Variants in PDZRN3 observed in about 807,000 individuals in gnomAD.
PDZRN3 encodes PDZ domain containing ring finger 3.
In PDZRN3, 38 loss-of-function variants were observed where a neutral mutation model predicts 85.7. That is an observed-to-expected ratio of 0.44 (90% CI 0.34 to 0.58). The LOEUF (loss-of-function observed/expected upper bound fraction) is 0.58. Among genes scored for constraint, PDZRN3 ranks in the 20% least tolerant of loss-of-function variants. PDZRN3 has a pLI of 0.01. For synonymous variants in PDZRN3, 759 were observed against 638.0 expected (o/e 1.19, Z -2.86); for missense variants, 1,629 against 1,506.4 (o/e 1.08, Z -1.35).
At chr3:73,481,684 T>C (rs757316125) in intron 3 of PDZRN3, among the ~76,000 whole-genome samples, 1 of 152,232 alleles carries the variant, frequency 6.6e-6, no homozygotes, top group Non-Finnish European at 1.5e-5. Context: ...GAGATACCCA[T>C]TGAGTTCATG....
intron 1 of PDZRN3, among the ~76,000 whole-genome samples, chr3:73,618,119 A>C (rs894481003): frequency 6.6e-6 from 1 of 152,242 alleles, no homozygotes; most frequent in Non-Finnish European, 1.5e-5. Flanking sequence ...ACCAGAAGCC[A>C]ACAGGCAAAC....
rs761541975 is a variant in PDZRN3, at chr3:73,521,349, A to G, written c.918+81005T>C. Among the ~76,000 whole-genome samples the G allele has an allele frequency of 2.6e-4, 39 of 152,262 alleles. No homozygotes were observed. The South Asian group carries it at 3.5e-3, about 14-fold the overall frequency. ...GAGATCAGCTGAGGAAAGCTTTGCC[A>G]AGCTTCAGAGGATCAAAATGTGCAT... On this transcript the variant is annotated intron_variant, in intron 3 of 9. Transcript: ENST00000263666.
intron 3 of PDZRN3, among the ~76,000 whole-genome samples, chr3:73,536,405 A>T (rs1240325137): frequency 6.6e-6 from 1 of 152,184 alleles, no homozygotes; most frequent in Admixed American, 6.5e-5. Flanking sequence ...GGTGGTCCAG[A>T]GCCCACCCTG....
chr3:73,489,196 C>G (rs1247981128), intron 3 of PDZRN3, among the ~76,000 whole-genome samples: 1 of 152,198 alleles, frequency 6.6e-6, no homozygotes, highest in Non-Finnish European at 1.5e-5. Flanking sequence ...TGCTATATTT[C>G]CTTGCCTGAA....
intron 3 of PDZRN3, among the ~76,000 whole-genome samples, chr3:73,446,002 G>A (rs563033857): frequency 1.2e-4 from 18 of 152,334 alleles, no homozygotes; most frequent in Non-Finnish European, 2.1e-4. Flanking sequence ...CAAATGTTTT[G>A]ATGCCTTGAC....
At chr3:73,616,507 T>C (rs1022175533) in intron 1 of PDZRN3, among the ~76,000 whole-genome samples, 3 of 152,198 alleles carry the variant, frequency 2.0e-5, no homozygotes, top group African/African-American at 4.8e-5. Context: ...CCAAATGAAC[T>C]TGAATATCCC....
At chr3:73,474,687 CAA>C in intron 3 of PDZRN3, 5 of 983,774 alleles carry the variant, frequency 5.1e-6, no homozygotes, top group Non-Finnish European at 6.4e-6. Flanking sequence ...AGGCACTGAA[CAA>C]AAGAGGAGCA....
intron 5 of PDZRN3, among the ~76,000 whole-genome samples, chr3:73,398,605 TCCTGCTGAAA>T (rs1312460239): frequency 6.6e-6 from 1 of 152,230 alleles, no homozygotes; most frequent in Non-Finnish European, 1.5e-5. Context: ...AGTGGCTCCC[TCCTGCTGAAA>T]GCAGGATGCT....
intron 3 of PDZRN3, among the ~76,000 whole-genome samples, chr3:73,587,338 T>C (rs185897656): frequency 6.6e-6 from 1 of 152,204 alleles, no homozygotes; most frequent in Admixed American, 6.5e-5. Context: ...CTGGGTCACA[T>C]ATAAAATGTA....
At chr3:73,385,883 A>C (rs745697701) in intron 8 of PDZRN3, 98 bp from the exon 9 acceptor site, 51 of 747,356 alleles carry the variant, frequency 6.8e-5, no homozygotes, top group Non-Finnish European at 1.1e-4. Context: ...AAATATTTCT[A>C]GGGCTTCCTC....
intron 3 of PDZRN3, among the ~76,000 whole-genome samples, chr3:73,441,951 A>C (rs1702645500): frequency 6.6e-6 from 1 of 152,228 alleles, no homozygotes; most frequent in Non-Finnish European, 1.5e-5. Context: ...TGGCCTGATC[A>C]CAAAGTCCCT....
At chr3:73,432,020 T>C (rs1187771468) in intron 3 of PDZRN3, among the ~76,000 whole-genome samples, 13 of 152,246 alleles carry the variant, frequency 8.5e-5, no homozygotes, top group African/African-American at 2.7e-4. Flanking sequence ...TTTATGTGCA[T>C]TGATGGTAAA....
intron 3 of PDZRN3, among the ~76,000 whole-genome samples, chr3:73,572,287 A>G (rs1702056207): frequency 6.6e-6 from 1 of 152,182 alleles, no homozygotes; most frequent in African/African-American, 2.4e-5. Context: ...TCTTTCAGAG[A>G]TTTTAATAAG....
intron 3 of PDZRN3, among the ~76,000 whole-genome samples, chr3:73,509,238 A>G (rs1020166330): frequency 2.0e-5 from 3 of 152,178 alleles, no homozygotes; most frequent in Admixed American, 1.3e-4. Flanking sequence ...CTTTGCCCTC[A>G]TAATCACATT....
At chr3:73,392,055 G>A (rs9861235) in intron 5 of PDZRN3, among the ~76,000 whole-genome samples, 183 of 152,348 alleles carry the variant, frequency 1.2e-3, no homozygotes, top group African/African-American at 4.2e-3. Context: ...TCTTCTTAGC[G>A]GGGAAGGAGA....
At chr3:73,578,871 G>A (rs112933916) in intron 3 of PDZRN3, among the ~76,000 whole-genome samples, 1,948 of 152,238 alleles carry the variant, frequency 0.013, 23 homozygotes, top group South Asian at 0.077. Context: ...GAAAAATTAC[G>A]CAGGCACTTG....
intron 3 of PDZRN3, among the ~76,000 whole-genome samples, chr3:73,475,081 T>G (rs1181335778): frequency 6.6e-6 from 1 of 152,142 alleles, no homozygotes; most frequent in Non-Finnish European, 1.5e-5. Flanking sequence ...ATCTTCTTTT[T>G]GAAAAACAGA....
intron 3 of PDZRN3, among the ~76,000 whole-genome samples, chr3:73,543,927 T>G (rs182185490): frequency 3.9e-4 from 60 of 152,328 alleles, no homozygotes; most frequent in African/African-American, 1.4e-3. Context: ...TATAAAGAAC[T>G]AATTTAAGGC....
chr3:73,616,798 A>T (rs1472831445), intron 1 of PDZRN3, among the ~76,000 whole-genome samples: 1 of 152,120 alleles, frequency 6.6e-6, no homozygotes, highest in African/African-American at 2.4e-5. Context: ...CTTAATAACA[A>T]CCCTAACAAC....
Sources: gnomAD v4.1 joint callset for allele counts (sites outside exome capture counted in the v4.1 genomes callset) on GRCh38, gnomAD v4.1.1 for gene constraint, MANE v1.5 for transcripts, NCBI Gene and HGNC (gene_info 2026-07-23, HGNC 2026-07-21) for gene names.